The following KRT75 variants were observed in gnomAD, a reference collection of about 807,000 sequenced individuals.
The protein encoded by KRT75 is keratin, type II cytoskeletal 75.
In KRT75, 35 loss-of-function variants were observed where a neutral mutation model predicts 48.8. That is an observed-to-expected ratio of 0.72 (90% CI 0.55 to 0.95). The LOEUF (loss-of-function observed/expected upper bound fraction) is 0.95. Ranked by LOEUF, KRT75 falls within the 40% of genes least tolerant of loss-of-function variation. KRT75 has a pLI of 0.00. For synonymous variants in KRT75, 301 were observed against 282.3 expected, an observed-to-expected ratio of 1.07 and a Z score of -0.66; for missense variants, 776 against 709.9, an observed-to-expected ratio of 1.09 and a Z score of -1.06.
rs748406479 is a variant in KRT75, at chr12:52,428,748, G to C, written c.1036-5C>G. 3.1e-6 allele frequency: 5 copies of C among 1,613,772 alleles called. No individual in the cohort carries two copies. The Admixed American group carries it at 5.0e-5, about 16-fold the overall frequency. On this transcript the variant is annotated splice_region_variant and splice_polypyrimidine_tract_variant and intron_variant, in intron 5 of 8. Coordinates refer to ENST00000252245, the MANE Select transcript of KRT75 (RefSeq NM_004693.3). ...GGTGACCTGCAGCTCCTCGTACTGA[G>C]AGAACCAGAGCAAACCCAGTCACTG... is the stretch of plus-strand genomic sequence containing the variant.
At chr12:52,426,791 T>C (rs1940080794) in intron 8 of KRT75, 26 bp downstream of exon 8, 3 of 1,612,670 alleles carry the variant, frequency 1.9e-6, no homozygotes, top group Non-Finnish European at 2.5e-6. Flanking sequence ...ACACTCCAAA[T>C]GGCCCAAGAA....
chr12:52,430,730 A>G (rs1940133993), intron 4 of KRT75, 25 bp from the exon 5 acceptor site: 2 of 1,613,816 alleles, frequency 1.2e-6, no homozygotes, highest in Non-Finnish European at 1.7e-6. Flanking sequence ...ACTCAGCATC[A>G]CCAAGGCATA....
At chr12:52,430,130 C>A (rs1217255096) in intron 5 of KRT75, among the ~76,000 whole-genome samples, 1 of 152,180 alleles carries the variant, frequency 6.6e-6, no homozygotes, top group Non-Finnish European at 1.5e-5. Flanking sequence ...CACTTCATGG[C>A]CTCCCAGAGC....
rs770976442 is a variant in KRT75, at chr12:52,432,006, C to CT, written c.773dup (p.Asp259GlyfsTer31). ...CTTTGAGAGAAACATCCCCACTCAC[C>CT]TTTTTCAGGGCTACAAATTCATTCT... On this transcript the variant is annotated frameshift_variant and splice_region_variant, in exon 3 of 9. Transcript: ENST00000252245. LOFTEE classifies it high-confidence loss of function. 2 of 1,614,106 alleles carry CT rather than the reference C, an allele frequency of 1.2e-6. No individual in the cohort carries two copies. The highest frequency in any genetic ancestry group is 2.2e-5 in the South Asian group (2 of 91,082).
chr12:52,428,157 G>A (rs1940096167), intron 7 of KRT75, 99 bp downstream of exon 7: 2 of 1,434,412 alleles, frequency 1.4e-6, no homozygotes, highest in African/African-American at 2.8e-5. Flanking sequence ...TTTCTTCCAG[G>A]AGAAGAAGGG....
chr12:52,426,704 G>C (rs1029619441), intron 8 of KRT75, 113 bp downstream of exon 8: 1 of 1,090,200 alleles, frequency 9.2e-7, no homozygotes, highest in African/African-American at 1.5e-5. Context: ...AATGAACGCT[G>C]TCTGTGAGAT....
intron 2 of KRT75, 96 bp from the exon 3 acceptor site, chr12:52,432,162 C>T: frequency 2.5e-6 from 3 of 1,216,782 alleles, no homozygotes; most frequent in South Asian, 1.2e-5. Flanking sequence ...CAAATCATTT[C>T]CAGCTCTTCT....
chr12:52,430,836 G>C, intron 4 of KRT75, 131 bp from the exon 5 acceptor site: 1 of 1,011,930 alleles, frequency 9.9e-7, no homozygotes, highest in South Asian at 1.3e-5. Context: ...TATTCCCTAG[G>C]TATTCCCATT....
In KRT75 at chr12:52,424,412, AG is replaced by A; in HGVS notation, c.*104del. 1 of 1,078,738 alleles carries A rather than the reference AG, an allele frequency of 9.3e-7. No individual in the cohort carries two copies. The highest frequency in any genetic ancestry group is 1.7e-5 in the Admixed American group (1 of 59,362). 66.8% of individuals were successfully genotyped at this position (1,078,738 alleles called of 1,614,324 possible). On this transcript the variant is annotated 3_prime_UTR_variant, in exon 9 of 9. Coordinates refer to ENST00000252245, the MANE Select transcript of KRT75 (RefSeq NM_004693.3). The stretch of plus-strand genomic sequence containing the variant: ...ATAGCCAGTACTCCAGGCTCCCAGC[AG>A]CACAGGTGCACCTTACAAGGAGAGA...
chr12:52,424,322 A>G lies in KRT75; in HGVS notation c.*195T>C, dbSNP rs1021957716. 4.3e-6 allele frequency: 3 copies of G among 704,726 alleles called. No homozygotes were observed. In the African/African-American group the frequency reaches 5.2e-5, roughly 12 times the overall value. The allele number at this position is 704,726 out of a possible 1,614,324, so 43.7% of individuals were successfully genotyped here. ...GGCTTTGGTTTCACATGTGTAACAG[A>G]CGGGTGCTGCTGGCAGTCTGGGCAC... is the stretch of plus-strand genomic sequence containing the variant. On this transcript the variant is annotated 3_prime_UTR_variant, in exon 9 of 9. Transcript: ENST00000252245.
In KRT75 at chr12:52,433,125, C is replaced by G; in HGVS notation, c.626G>C (p.Arg209Pro). 1 of 1,610,134 alleles carries G rather than the reference C, an allele frequency of 6.2e-7. No homozygotes were observed. The highest frequency in any genetic ancestry group is 8.5e-7 in the Non-Finnish European group (1 of 1,178,624). ...LFDSYTSELR[R>P]QLESITTERG... ...CTCGGTGGTGATGCTTTCCAGCTGC[C>G]GTCGGAGCTCACTGGTATAGGAATC... is the stretch of plus-strand genomic sequence containing the variant. Residue 209 changes from arginine to proline, a missense_variant, in exon 2 of 9, where the codon CGG (arginine) becomes CCG (proline). Transcript: ENST00000252245.
At position 52,424,762 on chromosome 12, in the gene KRT75, G is replaced by A. The variant is rs1273066668; in HGVS notation, c.1418-7C>T. The A allele has an allele frequency of 6.2e-7, 1 of 1,600,400 alleles. No individual in the cohort carries two copies. The highest frequency in any genetic ancestry group is 8.6e-7 in the Non-Finnish European group (1 of 1,167,984). The stretch of plus-strand genomic sequence containing the variant: ...AGAGTAGAGGTGACCACAGCTGCCG[G>A]GAAGAGAGGAGGTGTGGTCAGATCA... On this transcript the variant is annotated splice_polypyrimidine_tract_variant and splice_region_variant and intron_variant, in intron 8 of 8. Transcript: ENST00000252245.
chr12:52,427,539 C>T (rs953304611), intron 7 of KRT75, among the ~76,000 whole-genome samples: 22 of 152,204 alleles, frequency 1.4e-4, no homozygotes, highest in African/African-American at 4.8e-4. Flanking sequence ...AGTCGCAAAG[C>T]TGGACTTGAA....
Position 52,428,737 on chromosome 12 carries a change from C to T in KRT75, c.1042G>A (p.Glu348Lys). ...AESWYQTKYE[E>K]LQVTAGRHGD... ...TGTCTGCCTGCGGTGACCTGCAGCT[C>T]CTCGTACTGAGAGAACCAGAGCAAA... The change falls in exon 6 of 9, where the codon GAG becomes AAG. Residue 348 changes from glutamate (E) to lysine (K), a missense_variant. Physicochemically the swap from Glu to Lys is moderately conservative, Grantham distance 56. Transcript: ENST00000252245. The T allele has an allele frequency of 6.2e-7, 1 of 1,614,046 alleles. No homozygotes were observed. Among genetic ancestry groups the T allele is most frequent in the South Asian group, 1.1e-5 (1 of 91,068 alleles).
chr12:52,428,144 C>T (rs1940096011), intron 7 of KRT75, 112 bp downstream of exon 7: 3 of 1,370,258 alleles, frequency 2.2e-6, no homozygotes, highest in Non-Finnish European at 3.1e-6. Flanking sequence ...TTCTGAACTG[C>T]ATTTTCTTCC....
chr12:52,428,402 C>T lies in KRT75; in HGVS notation c.1236G>A (p.Lys412=). ...GCAGGGCCTCCTCAAGGTCCACCAG[C>T]TTGGCCCGTGCATCCTTGAGAGCCA... ...GELALKDARA[K]LVDLEEALQK... is the part of the protein sequence containing the mutation. The change falls in exon 7 of 9, where the codon AAG becomes AAA. Residue 412 remains lysine (K), a synonymous_variant. Transcript: ENST00000252245. The T allele has an allele frequency of 1.2e-6, 2 of 1,614,192 alleles. No individual in the cohort carries two copies. The highest frequency in any genetic ancestry group is 1.7e-6 in the Non-Finnish European group (2 of 1,180,030).
At chr12:52,430,395 G>A (rs1020629436) in intron 5 of KRT75, 146 bp downstream of exon 5, 2 of 865,580 alleles carry the variant, frequency 2.3e-6, no homozygotes, top group Non-Finnish European at 3.8e-6. Context: ...TGCATTTCAA[G>A]CTAAGTTGTC....
At chr12:52,429,127 C>T (rs1299146538) in intron 5 of KRT75, among the ~76,000 whole-genome samples, 1 of 152,040 alleles carries the variant, frequency 6.6e-6, no homozygotes, top group Non-Finnish European at 1.5e-5. Flanking sequence ...ACATTCCAGA[C>T]AAAGGAAACA....
At chr12:52,426,645 C>T (rs902211844) in intron 8 of KRT75, among the ~76,000 whole-genome samples, 172 bp downstream of exon 8, 10 of 152,198 alleles carry the variant, frequency 6.6e-5, no homozygotes, top group African/African-American at 9.7e-5. Context: ...ATTAAAGACT[C>T]CTAATATGGC....
Sources: allele counts gnomAD v4.1 joint callset (sites outside exome capture counted in the v4.1 genomes callset), GRCh38; gene constraint gnomAD v4.1.1; transcripts MANE v1.5; gene names NCBI Gene and HGNC (gene_info 2026-07-23, HGNC 2026-07-21).